Variants in CTCF observed in about 807,000 individuals in gnomAD.
CTCF encodes transcriptional repressor CTCF.
A neutral mutation model predicts 72.3 loss-of-function variants in CTCF; 7 were observed. That is an observed-to-expected ratio of 0.10 (90% CI 0.06 to 0.18). The LOEUF (loss-of-function observed/expected upper bound fraction) is 0.18, where lower values mean the gene tolerates loss of function less well. Ranked by LOEUF, CTCF falls within the 10% of genes least tolerant of loss-of-function variation. CTCF has a pLI of 1.00. For synonymous variants in CTCF, 374 were observed against 315.8 expected (o/e 1.18, Z -1.95); for missense variants, 516 against 949.1 (o/e 0.54, Z 6.00).
intron 2 of CTCF, among the ~76,000 whole-genome samples, chr16:67,601,812 T>C (rs2051895632): frequency 6.6e-6 from 1 of 152,126 alleles, no homozygotes; most frequent in Admixed American, 6.6e-5. Context: ...TTTTTCTACC[T>C]GGTTTATAAT....
intron 10 of CTCF, among the ~76,000 whole-genome samples, chr16:67,635,242 G>A (rs1335926014): frequency 6.6e-6 from 1 of 150,870 alleles, no homozygotes; most frequent in Non-Finnish European, 1.5e-5. Flanking sequence ...GGATGGTCTC[G>A]ATCTCCTGAC....
intron 2 of CTCF, among the ~76,000 whole-genome samples, chr16:67,584,632 C>CT (rs557764711): frequency 0.011 from 1,628 of 146,054 alleles, 23 homozygotes; most frequent in Admixed American, 0.012. Context: ...GGCCAGTCTT[C>CT]TTTTTTTTTT....
intron 2 of CTCF, among the ~76,000 whole-genome samples, chr16:67,602,842 CAAAAAAAAAA>C (rs75191313): frequency 2.9e-4 from 16 of 55,350 alleles, no homozygotes; most frequent in Admixed American, 2.8e-3. Context: ...ACTCCATCTC[CAAAAAAAAAA>C]AAAAAAAAAG....
chr16:67,600,877 A>G (rs565523382), intron 2 of CTCF, among the ~76,000 whole-genome samples: 5 of 152,308 alleles, frequency 3.3e-5, no homozygotes, highest in African/African-American at 1.2e-4. Context: ...TTTGAGTGAT[A>G]TAAACTTCAT....
intron 1 of CTCF, among the ~76,000 whole-genome samples, chr16:67,569,515 CT>C (rs750439886): frequency 1.3e-5 from 2 of 151,944 alleles, no homozygotes; most frequent in African/African-American, 4.8e-5. Context: ...CTTTCTTTTT[CT>C]TTAGAGGTAG....
intron 2 of CTCF, among the ~76,000 whole-genome samples, chr16:67,572,797 G>C (rs564213506): frequency 9.8e-4 from 148 of 150,600 alleles, no homozygotes; most frequent in South Asian, 1.5e-3. Context: ...AAAACTAGCC[G>C]AGTGTGGTGG....
chr16:67,573,032 C>T (rs2051446020), intron 2 of CTCF, among the ~76,000 whole-genome samples: 1 of 140,206 alleles, frequency 7.1e-6, no homozygotes, highest in Non-Finnish European at 1.5e-5. Context: ...GTGGGCGGAT[C>T]ACAAGGTCAG....
At chr16:67,583,412 C>T (rs903656335) in intron 2 of CTCF, among the ~76,000 whole-genome samples, 2 of 151,984 alleles carry the variant, frequency 1.3e-5, no homozygotes, top group South Asian at 2.1e-4. Context: ...TCTAGCCAGG[C>T]GCGGTGGCTC....
At chr16:67,597,286 T>C (rs544474363) in intron 2 of CTCF, among the ~76,000 whole-genome samples, 86 of 152,272 alleles carry the variant, frequency 5.6e-4, no homozygotes, top group African/African-American at 1.9e-3. Flanking sequence ...TCTGCTGGCC[T>C]TGGCCTCTCA....
chr16:67,568,359 C>T (rs917505382), intron 1 of CTCF: 4 of 151,132 alleles, frequency 2.6e-5, no homozygotes, highest in East Asian at 2.0e-4. Flanking sequence ...GGACTACAGA[C>T]GTGAGCCACC....
intron 2 of CTCF, among the ~76,000 whole-genome samples, chr16:67,578,119 T>C (rs1293959502): frequency 6.6e-6 from 1 of 152,076 alleles, no homozygotes; most frequent in East Asian, 1.9e-4. Flanking sequence ...ATAATTGTGC[T>C]ATGGAAATTT....
chr16:67,590,804 A>C (rs1567599505), intron 2 of CTCF, among the ~76,000 whole-genome samples: 1 of 151,762 alleles, frequency 6.6e-6, no homozygotes, highest in Non-Finnish European at 1.5e-5. Flanking sequence ...TAAAAATACA[A>C]ATATTAGCCG....
At chr16:67,592,284 C>T (rs1220382334) in intron 2 of CTCF, among the ~76,000 whole-genome samples, 3 of 151,592 alleles carry the variant, frequency 2.0e-5, no homozygotes, top group South Asian at 2.1e-4. Context: ...TAGTGGTGTA[C>T]GCCTGTGATC....
At position 67,626,601 on chromosome 16, in the gene CTCF, A is replaced by G; in HGVS notation, c.1404A>G (p.Lys468=). 6.4e-7 allele frequency: 1 copy of G among 1,563,946 alleles called. No individual in the cohort carries two copies. ...ATTCCTATATTGAGCAAGGCAAGAA[A>G]TGCCGTTACTGTGATGCTGTGTTTC... The part of the protein sequence containing the change: ...KQHSYIEQGK[K]CRYCDAVFHE... The change falls in exon 8 of 12, where the codon AAA becomes AAG. Residue 468 remains lysine (K), a synonymous_variant. Coordinates refer to ENST00000264010, the MANE Select transcript of CTCF (RefSeq NM_006565.4).
chr16:67,571,574 C>T (rs1056501783), intron 2 of CTCF, among the ~76,000 whole-genome samples: 3 of 152,190 alleles, frequency 2.0e-5, no homozygotes, highest in Non-Finnish European at 4.4e-5. Context: ...AAGTACTATT[C>T]TGAACATGTA....
At chr16:67,607,400 G>A (rs1369221160) in intron 2 of CTCF, among the ~76,000 whole-genome samples, 1 of 151,814 alleles carries the variant, frequency 6.6e-6, no homozygotes, top group Non-Finnish European at 1.5e-5. Context: ...CCACCTCCAG[G>A]GTTCAAGTTC....
At chr16:67,594,632 A>T (rs1396202552) in intron 2 of CTCF, among the ~76,000 whole-genome samples, 1 of 152,186 alleles carries the variant, frequency 6.6e-6, no homozygotes, top group Non-Finnish European at 1.5e-5. Flanking sequence ...CAATAAAGGT[A>T]AATTCGTATA....
chr16:67,594,352 C>CAG (rs774335452), intron 2 of CTCF, among the ~76,000 whole-genome samples: 27 of 150,434 alleles, frequency 1.8e-4, no homozygotes, highest in Admixed American at 1.7e-3. Context: ...CCACTGCACT[C>CAG]CAGCCTGAGC....
chr16:67,589,617 A>T (rs2051711818), intron 2 of CTCF, among the ~76,000 whole-genome samples: 1 of 152,156 alleles, frequency 6.6e-6, no homozygotes, highest in South Asian at 2.1e-4. Context: ...TGCCTGCCAG[A>T]CAAGGAGCTC....
Sources: gnomAD v4.1 joint callset for allele counts (sites outside exome capture counted in the v4.1 genomes callset) on GRCh38, gnomAD v4.1.1 for gene constraint, MANE v1.5 for transcripts, NCBI Gene and HGNC (gene_info 2026-07-23, HGNC 2026-07-21) for gene names.